The following PYY variants were observed in gnomAD, a reference collection of about 807,000 sequenced individuals.
The protein encoded by PYY is peptide YY, also known as peptide tyrosine tyrosine.
PYY carries 12 observed loss-of-function variants against 10.3 expected under a neutral mutation model. The observed-to-expected ratio is 1.17, with a 90% confidence interval of 0.75 to 1.89. The LOEUF (loss-of-function observed/expected upper bound fraction) is 1.89, where lower values mean the gene tolerates loss of function less well. Among genes scored for constraint, PYY ranks in the 40% most tolerant of loss-of-function variants. The pLI is 0.00. For synonymous variants in PYY, 66 were observed against 62.0 expected (o/e 1.06, Z -0.30); for missense variants, 141 against 134.0 (o/e 1.05, Z -0.26).
intron 1 of PYY, among the ~76,000 whole-genome samples, chr17:43,984,099 G>A (rs552931209): frequency 6.6e-6 from 1 of 152,354 alleles, no homozygotes; most frequent in East Asian, 1.9e-4. Context: ...ATAAGAAACC[G>A]AGGGGGCGGC....
chr17:43,975,398 G>C (rs2048821670), intron 1 of PYY, among the ~76,000 whole-genome samples: 1 of 151,862 alleles, frequency 6.6e-6, no homozygotes, highest in South Asian at 2.1e-4. Flanking sequence ...CGTGTCACAG[G>C]CTTCTTTTGG....
chr17:44,003,081 A>G (rs118104882), intron 1 of PYY, among the ~76,000 whole-genome samples: 39 of 152,262 alleles, frequency 2.6e-4, no homozygotes, highest in Non-Finnish European at 5.0e-4. Flanking sequence ...TCTGTCGCCC[A>G]GACGGGAGTG....
chr17:43,998,726 G>A (rs907281398), intron 1 of PYY, among the ~76,000 whole-genome samples: 1 of 152,068 alleles, frequency 6.6e-6, no homozygotes, highest in Admixed American at 6.6e-5. Context: ...GAGTCACTAC[G>A]CCCAGCTGAT....
chr17:44,003,978 G>A (rs991150963), intron 1 of PYY, among the ~76,000 whole-genome samples: 3 of 152,110 alleles, frequency 2.0e-5, no homozygotes, highest in African/African-American at 7.2e-5. Flanking sequence ...CAACAACAGA[G>A]TGAGACCCTA....
At chr17:43,986,670 A>G (rs942939613) in intron 1 of PYY, among the ~76,000 whole-genome samples, 4 of 152,124 alleles carry the variant, frequency 2.6e-5, no homozygotes, top group Admixed American at 1.3e-4. Flanking sequence ...GATATTGGGG[A>G]AAAAAACACA....
At chr17:43,964,635 A>C (rs1482891607) in intron 2 of PYY, among the ~76,000 whole-genome samples, 1 of 152,174 alleles carries the variant, frequency 6.6e-6, no homozygotes, top group Admixed American at 6.5e-5. Context: ...CTGTAATCCC[A>C]GCTACTTGAG....
At chr17:43,986,945 C>T (rs1447801283) in intron 1 of PYY, among the ~76,000 whole-genome samples, 1 of 152,210 alleles carries the variant, frequency 6.6e-6, no homozygotes, top group Non-Finnish European at 1.5e-5. Flanking sequence ...ATTAGCTCCA[C>T]ATTACTCATA....
At chr17:43,972,191 TTTTATTTA>T (rs3080250) in intron 1 of PYY, among the ~76,000 whole-genome samples, 349 of 138,218 alleles carry the variant, frequency 2.5e-3, no homozygotes, top group Non-Finnish European at 3.5e-3. Flanking sequence ...TTTTATTTTA[TTTTATTTA>T]TTTATTTATT....
intron 1 of PYY, 130 bp from the exon 2 acceptor site, chr17:43,953,613 G>T: frequency 1.1e-6 from 1 of 877,394 alleles, no homozygotes; most frequent in East Asian, 2.8e-5. Context: ...CTCAGCCACC[G>T]GGCTTGCTGT....
chr17:43,965,511 C>A (rs2048748432), intron 2 of PYY, among the ~76,000 whole-genome samples: 1 of 146,168 alleles, frequency 6.8e-6, no homozygotes, highest in Admixed American at 6.9e-5. Flanking sequence ...TATATTTGGC[C>A]AGGCATGGTG....
chr17:43,973,371 A>T (rs1278048915), intron 1 of PYY, among the ~76,000 whole-genome samples: 1 of 152,136 alleles, frequency 6.6e-6, no homozygotes, highest in Non-Finnish European at 1.5e-5. Context: ...TAAATATTAA[A>T]TCTGAACTCA....
chr17:43,955,795 C>A (rs1320571034), upstream of PYY, among the ~76,000 whole-genome samples: 2 of 152,050 alleles, frequency 1.3e-5, no homozygotes, highest in Admixed American at 1.3e-4. Context: ...TAATTCCATT[C>A]CTCCATGGAA....
rs73986655 is a variant in PYY at position 43,964,857 on chromosome 17, A to G, written c.-218+1431T>C. On this transcript the variant is annotated intron_variant, in intron 2 of 6. Coordinates refer to the PYY transcript ENST00000360085. ...GTAATAACTGGTGGTGCCAGTCCGT[A>G]TTTATTCTGAGACGTCTGTGTAATA... Among the ~76,000 whole-genome samples, 1,273 of 152,338 alleles carry G rather than the reference A, an allele frequency of 8.4e-3. 17 individuals are homozygous for G. Among genetic ancestry groups the G allele is most frequent in the African/African-American group, 0.029 (1,198 of 41,588 alleles).
upstream of PYY, among the ~76,000 whole-genome samples, chr17:43,954,428 G>C (rs1386011504): frequency 2.6e-5 from 4 of 152,232 alleles, no homozygotes; most frequent in Non-Finnish European, 5.9e-5. Flanking sequence ...AGGAATGACA[G>C]GACCTTTTGG....
intron 1 of PYY, among the ~76,000 whole-genome samples, chr17:44,001,464 G>C (rs2049026364): frequency 6.6e-6 from 1 of 152,120 alleles, no homozygotes; most frequent in South Asian, 2.1e-4. Flanking sequence ...AACTCAGAGG[G>C]GTGGGGCTGG....
Position 44,004,101 on chromosome 17 carries a change from G to A in PYY, c.-463+290C>T, listed in dbSNP as rs531622862. ...TATAAGTTTTGAGGGGTGTTTTGAG[G>A]ATATCACAGAATTCCTCAAGCTGGT... On this transcript the variant is annotated intron_variant, in intron 1 of 6. Transcript: ENST00000360085. Among the ~76,000 whole-genome samples the A allele has an allele frequency of 9.2e-5, 14 of 152,110 alleles. No individual in the cohort carries two copies. The South Asian group carries it at 2.9e-3, about 32-fold the overall frequency.
chr17:43,984,973 G>A (rs1253444820), intron 1 of PYY, among the ~76,000 whole-genome samples: 1 of 152,096 alleles, frequency 6.6e-6, no homozygotes, highest in African/African-American at 2.4e-5. Flanking sequence ...AAAAAGGAAA[G>A]GCTCTTCTAA....
intron 2 of PYY, among the ~76,000 whole-genome samples, chr17:43,964,993 A>G (rs529055857): frequency 6.6e-6 from 1 of 152,358 alleles, no homozygotes; most frequent in East Asian, 1.9e-4. Context: ...CAGATGTCAT[A>G]TAGAAGAGGT....
rs1174890162 is a variant in PYY, at chr17:43,989,809, TAAAA to T, written c.-463+14578_-463+14581del. Among the ~76,000 whole-genome samples the T allele has an allele frequency of 4.7e-3, 49 of 10,486 alleles. 6 individuals carry two copies. Among genetic ancestry groups the T allele is most frequent in the Non-Finnish European group, 5.2e-3 (32 of 6,138 alleles). The allele number at this position is 10,486 out of a possible 152,430, so 6.9% of individuals were successfully genotyped here. Reference sequence around the variant, plus strand: ...GAGACAGACCAAGAGGCTGTCTCTTTAAAAAAAAAAAAAAAAAAAAAAAAAAAAA... The same window carrying T: ...GAGACAGACCAAGAGGCTGTCTCTTTAAAAAAAAAAAAAAAAAAAAAAAAA... On this transcript the variant is annotated intron_variant, in intron 1 of 6. Transcript: ENST00000360085.
Sources: gnomAD v4.1 joint callset for allele counts (sites outside exome capture counted in the v4.1 genomes callset) on GRCh38, gnomAD v4.1.1 for gene constraint, MANE v1.5 for transcripts, NCBI Gene and HGNC (gene_info 2026-07-23, HGNC 2026-07-21) for gene names.